FA2H: variants seen among roughly 807,000 people sequenced by gnomAD.
The protein encoded by FA2H is fatty acid alpha-hydroxylase.
A neutral mutation model predicts 44.9 loss-of-function variants in FA2H; 22 were observed. The ratio of observed to expected loss-of-function variants is 0.49; its 90% CI spans 0.35 to 0.70. The LOEUF is 0.70. FA2H is among the 30% of genes least tolerant of loss of function. FA2H has a pLI of 0.01. For synonymous variants in FA2H, 243 were observed against 213.2 expected (o/e 1.14, Z -1.22); for missense variants, 501 against 504.9 (o/e 0.99, Z 0.07).
At chr16:74,723,596 A>G (rs1961885606) in intron 4 of FA2H, among the ~76,000 whole-genome samples, 1 of 152,084 alleles carries the variant, frequency 6.6e-6, no homozygotes, top group Non-Finnish European at 1.5e-5. Context: ...ATATTACCAA[A>G]GGAGTCAGGT....
chr16:74,749,477 A>C (rs77113875), intron 1 of FA2H, among the ~76,000 whole-genome samples: 94 of 152,228 alleles, frequency 6.2e-4, no homozygotes, highest in Non-Finnish European at 7.5e-4. Flanking sequence ...CCTGTGCCTG[A>C]GCTGTGACCA....
At chr16:74,757,060 A>C (rs752048712) in intron 1 of FA2H, among the ~76,000 whole-genome samples, 19 of 152,292 alleles carry the variant, frequency 1.2e-4, no homozygotes, top group Middle Eastern at 3.4e-3. Flanking sequence ...ACATTAAGCA[A>C]GGCAAAAGGC....
chr16:74,762,484 T>A (rs1018853613), intron 1 of FA2H, among the ~76,000 whole-genome samples: 8 of 152,220 alleles, frequency 5.3e-5, no homozygotes, highest in Non-Finnish European at 1.0e-4. Flanking sequence ...AATTTCCCTC[T>A]CCCAACCCCT....
chr16:74,716,221 G>A, intron 6 of FA2H, 126 bp downstream of exon 6: 1 of 1,078,726 alleles, frequency 9.3e-7, no homozygotes, highest in Non-Finnish European at 1.4e-6. Context: ...GAAGAGAGTA[G>A]AGGGAACCCT....
intron 4 of FA2H, among the ~76,000 whole-genome samples, chr16:74,722,986 T>G (rs1961873036): frequency 6.6e-6 from 1 of 152,212 alleles, no homozygotes; most frequent in African/African-American, 2.4e-5. Flanking sequence ...CATGATGTCT[T>G]TCTTGCCAAA....
intron 2 of FA2H, among the ~76,000 whole-genome samples, chr16:74,737,611 C>T (rs1962207379): frequency 6.6e-6 from 1 of 152,180 alleles, no homozygotes; most frequent in Admixed American, 6.5e-5. Flanking sequence ...CCCACTCTGT[C>T]CCCACCTTCT....
chr16:74,721,668 G>A (rs1961842508), intron 4 of FA2H, among the ~76,000 whole-genome samples: 1 of 152,162 alleles, frequency 6.6e-6, no homozygotes, highest in Non-Finnish European at 1.5e-5. Flanking sequence ...GCATCTTCAA[G>A]TTCAGCTCCC....
intron 1 of FA2H, among the ~76,000 whole-genome samples, chr16:74,743,697 A>AG (rs1962358005): frequency 6.6e-6 from 1 of 152,160 alleles, no homozygotes; most frequent in East Asian, 1.9e-4. Context: ...CTCGGGTCCT[A>AG]GGGCCACCCC....
intron 3 of FA2H, 30 bp downstream of exon 3, chr16:74,727,214 A>G (rs779450001): frequency 4.3e-6 from 7 of 1,613,648 alleles, no homozygotes; most frequent in Non-Finnish European, 5.1e-6. Context: ...AGAGAGGGAC[A>G]GCCTGCCACA....
chr16:74,737,653 G>A (rs901521327), intron 2 of FA2H, among the ~76,000 whole-genome samples: 2 of 152,202 alleles, frequency 1.3e-5, no homozygotes, highest in African/African-American at 4.8e-5. Flanking sequence ...CGGGAGGCCA[G>A]GACTCCAGTC....
intron 2 of FA2H, among the ~76,000 whole-genome samples, chr16:74,739,204 C>A (rs2144632982): frequency 6.6e-6 from 1 of 152,294 alleles, no homozygotes; most frequent in African/African-American, 2.4e-5. Context: ...TGAGCTCTCG[C>A]AGGGAGGGGC....
rs774032544 is a variant in FA2H at position 74,719,195 on chromosome 16, G to A, written c.614-35C>T. On this transcript the variant is annotated intron_variant, in intron 4 of 6. Transcript: ENST00000219368. ...GGCAGGGAGAGCGAGGTGAGGACCG[G>A]TGCATAGCAGCCTGGTAGCTCCAGG... 38 of 1,591,784 alleles carry A rather than the reference G, an allele frequency of 2.4e-5. No homozygotes were observed. In the South Asian group the frequency reaches 2.5e-4, roughly 11 times the overall value.
rs794729215 is a variant in FA2H, at chr16:74,774,639, G to T, written c.117C>A (p.Phe39Leu). ...GCTCGCCCCCCGGGTGGTGCCGCACGAAGCTGGAGAGGTCGTAGAGGCGGG... is the reference window on the plus strand; with the variant it reads ...GCTCGCCCCCCGGGTGGTGCCGCACTAAGCTGGAGAGGTCGTAGAGGCGGG... ...RGARLYDLSS[F>L]VRHHPGGEQL... The change falls in exon 1 of 7, where the codon TTC becomes TTA. Residue 39 changes from phenylalanine to leucine, a missense_variant. Coordinates refer to ENST00000219368, the MANE Select transcript of FA2H (RefSeq NM_024306.5). 6.7e-7 allele frequency: 1 copy of T among 1,491,030 alleles called. No homozygotes were observed. Among genetic ancestry groups the T allele is most frequent in the Non-Finnish European group, 8.9e-7 (1 of 1,127,404 alleles). 92.4% of individuals were successfully genotyped at this position (1,491,030 alleles called of 1,614,324 possible).
intron 2 of FA2H, among the ~76,000 whole-genome samples, chr16:74,727,746 A>AG (rs1365000547): frequency 6.6e-6 from 1 of 152,230 alleles, no homozygotes; most frequent in Non-Finnish European, 1.5e-5. Context: ...CTAGAGAGAC[A>AG]GAATCTCAGT....
chr16:74,772,341 G>A (rs534127147), intron 1 of FA2H, among the ~76,000 whole-genome samples: 134 of 152,324 alleles, frequency 8.8e-4, no homozygotes, highest in Non-Finnish European at 1.0e-4. Flanking sequence ...TTCTCAAGAA[G>A]GCTCTCTATG....
rs948211737 is a variant in FA2H at position 74,716,359 on chromosome 16, G to A, written c.1027C>T (p.His343Tyr). The A allele has an allele frequency of 6.2e-6, 10 of 1,613,830 alleles. No homozygotes were observed. In the Admixed American group the frequency reaches 1.0e-4, roughly 16 times the overall value. Reference sequence around the variant, plus strand: ...GGCCCATCCTCACCTGACTTCTGATGTGCAAAGTGGTGCTTGACGTGGTGG... The same window carrying A: ...GGCCCATCCTCACCTGACTTCTGATATGCAAAGTGGTGCTTGACGTGGTGG... ...KAHHVKHHFA[H>Y]QKSGFGISTK... is the part of the protein sequence containing the mutation. Residue 343 changes from histidine to tyrosine, a missense_variant, in exon 6 of 7, where the codon CAT becomes TAT. Physicochemically the swap from His to Tyr is moderately conservative, Grantham distance 83 (BLOSUM62 2). Transcript: ENST00000219368.
intron 2 of FA2H, 124 bp downstream of exon 2, chr16:74,739,899 C>G: frequency 1.2e-6 from 1 of 813,410 alleles, no homozygotes; most frequent in Non-Finnish European, 2.2e-6. Flanking sequence ...ACACCTGCTT[C>G]TCCTTCCCCT....
At chr16:74,724,390 C>T (rs1417937373) in intron 4 of FA2H, among the ~76,000 whole-genome samples, 5 of 152,338 alleles carry the variant, frequency 3.3e-5, no homozygotes, top group East Asian at 3.9e-4. Context: ...TATGCAGCGC[C>T]GCCCCCTTTC....
At chr16:74,762,175 T>C (rs566702491) in intron 1 of FA2H, among the ~76,000 whole-genome samples, 170 of 152,174 alleles carry the variant, frequency 1.1e-3, no homozygotes, top group African/African-American at 4.0e-3. Context: ...CCTGAGTAGG[T>C]GGGACTGCAG....
Sources: allele counts gnomAD v4.1 joint callset (sites outside exome capture counted in the v4.1 genomes callset), GRCh38; gene constraint gnomAD v4.1.1; transcripts MANE v1.5; gene names NCBI Gene and HGNC (gene_info 2026-07-23, HGNC 2026-07-21).